PUF60: variants seen among roughly 807,000 people sequenced by gnomAD.
The protein encoded by PUF60 is poly(U) binding splicing factor 60.
In PUF60, 10 loss-of-function variants were observed where a neutral mutation model predicts 61.8. That is an observed-to-expected ratio of 0.16 (90% CI 0.10 to 0.27). The LOEUF is 0.27. PUF60 is among the 10% of genes least tolerant of loss of function. PUF60 has a pLI of 1.00. For synonymous variants in PUF60, 353 were observed against 300.9 expected, an observed-to-expected ratio of 1.17 and a Z score of -1.79; for missense variants, 371 against 754.0, an observed-to-expected ratio of 0.49 and a Z score of 5.95.
Position 143,818,326 on chromosome 8 carries a change from G to C in PUF60, c.511-41C>G, listed in dbSNP as rs372465800. The C allele has an allele frequency of 3.7e-6, 6 of 1,608,256 alleles. No homozygotes were observed. The African/African-American group carries it at 8.0e-5, about 21-fold the overall frequency. On this transcript the variant is annotated intron_variant, in intron 6 of 11. Transcript: ENST00000526683. This position sits in a 1 kb window ranked among gnomAD's most constrained non-coding sequence, Gnocchi z 7.9. Reference sequence around the variant, plus strand: ...CACCTGTCAGGCTGCGCGAGCCCAGGGGTGGGGGCGAGCCCGAAGTGGCCG... The same window carrying C: ...CACCTGTCAGGCTGCGCGAGCCCAGCGGTGGGGGCGAGCCCGAAGTGGCCG...
In PUF60 at chr8:143,816,828, C is replaced by G. The variant is rs1816350351; in HGVS notation, c.1381-9G>C. ...AGAACCATCACTGTAGACTGTGGGGCAGGGCCGAGGGGAAGACAGCTGAGC... is the reference window on the plus strand; with the variant it reads ...AGAACCATCACTGTAGACTGTGGGGGAGGGCCGAGGGGAAGACAGCTGAGC... On this transcript the variant is annotated splice_polypyrimidine_tract_variant and intron_variant, in intron 11 of 11. Coordinates refer to ENST00000526683, the MANE Select transcript of PUF60 (RefSeq NM_078480.3). The G allele has an allele frequency of 6.2e-7, 1 of 1,610,524 alleles. No homozygotes were observed. Among genetic ancestry groups the G allele is most frequent in the Non-Finnish European group, 8.5e-7 (1 of 1,178,108 alleles).
In PUF60 at chr8:143,820,817, C is replaced by G; in HGVS notation, c.298-101G>C. ...CAGCGGCAAGGCCCGGAGTCCCCGCCCTGCCAGGGAGGCCGCCTGCCTTCC... is the reference window on the plus strand; with the variant it reads ...CAGCGGCAAGGCCCGGAGTCCCCGCGCTGCCAGGGAGGCCGCCTGCCTTCC... On this transcript the variant is annotated intron_variant, in intron 4 of 11. Coordinates refer to ENST00000526683, the MANE Select transcript of PUF60 (RefSeq NM_078480.3). 12 of 1,201,608 alleles carry G rather than the reference C, an allele frequency of 1.0e-5. 1 individual carries two copies. Among genetic ancestry groups the G allele is most frequent in the Non-Finnish European group, 1.2e-5 (10 of 815,578 alleles). 74.4% of individuals were successfully genotyped at this position (1,201,608 alleles called of 1,614,324 possible).
intron 1 of PUF60, chr8:143,828,937 C>T (rs1586632930): frequency 1.0e-6 from 1 of 987,434 alleles, no homozygotes; most frequent in Non-Finnish European, 1.2e-6. Flanking sequence ...GACCACGGCG[C>T]ACACCCCCGT....
chr8:143,824,580 G>GAAGCAGTCA (rs1817432869), intron 1 of PUF60, 181 bp from the exon 2 acceptor site: 2 of 620,632 alleles, frequency 3.2e-6, no homozygotes, highest in South Asian at 3.8e-5. Context: ...AGCACGCCCA[G>GAAGCAGTCA]GGACCCAGTC....
intron 2 of PUF60, among the ~76,000 whole-genome samples, chr8:143,823,951 C>T (rs1196595838): frequency 6.6e-6 from 1 of 152,288 alleles, no homozygotes; most frequent in Non-Finnish European, 1.5e-5. Flanking sequence ...TCAAGCACTG[C>T]GAGTTCTGGG....
chr8:143,827,910 C>G (rs1817817403), intron 1 of PUF60, among the ~76,000 whole-genome samples: 1 of 152,134 alleles, frequency 6.6e-6, no homozygotes, highest in Non-Finnish European at 1.5e-5. Flanking sequence ...AGTCAGGCAT[C>G]CACTCTCCTC....
rs1343079127 is a variant in PUF60 at position 143,824,243 on chromosome 8, CGCACAGGCAGGCGGGCGGGCGGGCGGGCA to C, written c.111+41_111+69del. ...AGCCAGCCCTCTCTGGGCCCAGGGA[CGCACAGGCAGGCGGGCGGGCGGGCGGGCA>C]GGCGGGCGGGCCTGAGGGAGAGGAT... is the stretch of plus-strand genomic sequence containing the variant. On this transcript the variant is annotated intron_variant, in intron 2 of 11. Transcript: ENST00000526683. The C allele has an allele frequency of 2.5e-5, 37 of 1,471,584 alleles. No homozygotes were observed. The East Asian group carries it at 4.0e-4, about 16-fold the overall frequency. 91.2% of individuals were successfully genotyped at this position (1,471,584 alleles called of 1,614,324 possible).
At chr8:143,821,420 G>A in intron 4 of PUF60, 177 bp downstream of exon 4, 1 of 634,618 alleles carries the variant, frequency 1.6e-6, no homozygotes, top group Non-Finnish European at 2.8e-6. Flanking sequence ...AGGTGGGAAA[G>A]GCTGGGCCAC....
chr8:143,826,452 C>T (rs147805797), intron 1 of PUF60, among the ~76,000 whole-genome samples: 3,887 of 152,296 alleles, frequency 0.026, 177 homozygotes, highest in African/African-American at 0.087. Context: ...CAGTGGCTCA[C>T]GCCTGTAATC....
At position 143,824,398 on chromosome 8, in the gene PUF60, TGCTGCAGGCAG is replaced by T; in HGVS notation, c.25-10_25del. 3.1e-6 allele frequency: 5 copies of T among 1,611,680 alleles called. No homozygotes were observed. Among genetic ancestry groups the T allele is most frequent in the Non-Finnish European group, 4.2e-6 (5 of 1,179,728 alleles). On this transcript the variant is annotated splice_acceptor_variant and splice_polypyrimidine_tract_variant and coding_sequence_variant and intron_variant, in exon 2 of 12. Transcript: ENST00000526683. LOFTEE classifies it high-confidence loss of function. ...CCCCCCTCCTTGCTGGCCATTGACC[TGCTGCAGGCAG>T]GAAGGAGATGTTGTAACGACAGGCA...
Position 143,817,543 on chromosome 8 carries a change from C to G in PUF60, c.1008+49G>C, listed in dbSNP as rs1404134865. ...CACCTTGAATCAGTCTCCAAGGAATCAGGGGCCAGCCCGCCCACCCTCAAG... is the reference window on the plus strand; with the variant it reads ...CACCTTGAATCAGTCTCCAAGGAATGAGGGGCCAGCCCGCCCACCCTCAAG... On this transcript the variant is annotated intron_variant, in intron 9 of 11. Coordinates refer to ENST00000526683, the MANE Select transcript of PUF60 (RefSeq NM_078480.3). This position sits in a 1 kb window ranked among gnomAD's most constrained non-coding sequence, Gnocchi z 7.4. 12 of 1,608,448 alleles carry G rather than the reference C, an allele frequency of 7.5e-6. No individual in the cohort carries two copies. Among genetic ancestry groups the G allele is most frequent in the Non-Finnish European group, 1.0e-5 (12 of 1,179,092 alleles).
chr8:143,828,209 G>A (rs1053935943), intron 1 of PUF60, among the ~76,000 whole-genome samples: 3 of 152,204 alleles, frequency 2.0e-5, no homozygotes, highest in Non-Finnish European at 4.4e-5. Flanking sequence ...GTGGGACATG[G>A]GACCAGCCCG....
intron 5 of PUF60, 117 bp downstream of exon 5, chr8:143,820,549 A>C: frequency 2.5e-6 from 3 of 1,202,578 alleles, no homozygotes; most frequent in Non-Finnish European, 3.7e-6. Context: ...GCGCTCGTCC[A>C]GAGCTGGCGG....
At chr8:143,829,243 C>T (rs1818023686) in intron 1 of PUF60, 37 bp downstream of exon 1, 1 of 1,246,010 alleles carries the variant, frequency 8.0e-7, no homozygotes, top group East Asian at 3.2e-5. Context: ...GCCCCGCAAG[C>T]CGAGGGCCGC....
Position 143,824,416 on chromosome 8 carries a change from G to T in PUF60, c.25-17C>A. ...ATTGACCTGCTGCAGGCAGGAAGGA[G>T]ATGTTGTAACGACAGGCACACCACC... On this transcript the variant is annotated splice_polypyrimidine_tract_variant and intron_variant, in intron 1 of 11. Coordinates refer to ENST00000526683, the MANE Select transcript of PUF60 (RefSeq NM_078480.3). 1 of 1,609,890 alleles carries T rather than the reference G, an allele frequency of 6.2e-7. No homozygotes were observed. The highest frequency in any genetic ancestry group is 1.1e-5 in the South Asian group (1 of 91,034).
At position 143,817,209 on chromosome 8, in the gene PUF60, G is replaced by C. The variant is rs976232112; in HGVS notation, c.1145-64C>G. 7.2e-6 allele frequency: 11 copies of C among 1,527,320 alleles called. No individual in the cohort carries two copies. Among genetic ancestry groups the C allele is most frequent in the Non-Finnish European group, 9.7e-6 (11 of 1,135,218 alleles). The allele number at this position is 1,527,320 out of a possible 1,614,324, so 94.6% of individuals were successfully genotyped here. A position where few individuals can be genotyped will look rare whatever the true frequency, so the allele number is the denominator to read the frequency against. ...CCACCCCCCTTCCCAGAAAGGCACA[G>C]AGCTGGCCTGCCCTGGGCTCAGAGG... On this transcript the variant is annotated intron_variant, in intron 10 of 11. Coordinates refer to ENST00000526683, the MANE Select transcript of PUF60 (RefSeq NM_078480.3). This position sits in a 1 kb window ranked among gnomAD's most constrained non-coding sequence, Gnocchi z 7.4.
rs768720583 is a variant in PUF60 at position 143,818,316 on chromosome 8, G to A, written c.511-31C>T. The stretch of plus-strand genomic sequence containing the variant: ...CACAGGGACACACCTGTCAGGCTGC[G>A]CGAGCCCAGGGGTGGGGGCGAGCCC... On this transcript the variant is annotated intron_variant, in intron 6 of 11. Transcript: ENST00000526683. This position sits in a 1 kb window ranked among gnomAD's most constrained non-coding sequence, Gnocchi z 7.9. 1.9e-5 allele frequency: 30 copies of A among 1,607,058 alleles called. No homozygotes were observed. Among genetic ancestry groups the A allele is most frequent in the African/African-American group, 9.4e-5 (7 of 74,832 alleles).
rs1442232799 is a variant in PUF60 at position 143,816,539 on chromosome 8, T to C, written c.1661A>G (p.Asn554Ser). ...AEVYDQERFDNSDLSA is the reference protein window; with the variant it reads ...AEVYDQERFDSSDLSA The stretch of plus-strand genomic sequence containing the variant: ...CCACTGTCACGCAGAGAGGTCACTG[T>C]TATCAAAACGCTCCTGGTCGTACAC... The change falls in exon 12 of 12, where the codon AAC becomes AGC. Residue 554 changes from asparagine (N) to serine (S), a missense_variant. Coordinates refer to ENST00000526683, the MANE Select transcript of PUF60 (RefSeq NM_078480.3). 7 of 1,611,114 alleles carry C rather than the reference T, an allele frequency of 4.3e-6. No individual in the cohort carries two copies. In the South Asian group the frequency reaches 6.6e-5, roughly 15 times the overall value.
intron 4 of PUF60, 65 bp from the exon 5 acceptor site, chr8:143,820,781 C>G: frequency 6.8e-7 from 1 of 1,477,462 alleles, no homozygotes; most frequent in South Asian, 1.1e-5. Context: ...CTCGTCAACA[C>G]CTCACGCAGA....
Sources: gnomAD v4.1 joint callset for allele counts (sites outside exome capture counted in the v4.1 genomes callset) on GRCh38, gnomAD v4.1.1 for gene constraint, Gnocchi (gnomAD v3.1) non-coding constraint, MANE v1.5 for transcripts, NCBI Gene and HGNC (gene_info 2026-07-23, HGNC 2026-07-21) for gene names.